Variants in EFR3B observed in about 807,000 individuals in gnomAD.
EFR3B encodes the protein protein EFR3 homolog B.
Under a neutral mutation model 104.7 loss-of-function variants are expected in EFR3B, and 64 were observed. That is an observed-to-expected ratio of 0.61 (90% confidence interval 0.50 to 0.75). EFR3B has a LOEUF of 0.75. Ranked by LOEUF, EFR3B falls within the 30% of genes least tolerant of loss-of-function variation. The pLI, the probability that EFR3B is intolerant of heterozygous loss-of-function variation, is 0.00. For synonymous variants in EFR3B, 385 were observed against 417.9 expected (o/e 0.92, Z 0.96); for missense variants, 750 against 1,078.5 (o/e 0.70, Z 4.27).
chr2:25,130,529 C>T lies in EFR3B; in HGVS notation c.771-23C>T, dbSNP rs1298186383. 1 of 1,541,856 alleles carries T rather than the reference C, an allele frequency of 6.5e-7. No individual in the cohort carries two copies. The highest frequency in any genetic ancestry group is 2.0e-5 in the Admixed American group (1 of 50,986). On this transcript the variant is annotated intron_variant, in intron 7 of 22. Transcript: ENST00000403714. The surrounding 1 kb of genome is among the most constrained non-coding windows in gnomAD (Gnocchi z 4.6). ...CACTGCCGGGAGTTTCATAGTTGTT[C>T]CCCCACGTTTTCTCCCTCACAGCCA...
At position 25,152,037 on chromosome 2, in the gene EFR3B, A is replaced by G. The variant is rs1405021510; in HGVS notation, c.2298+17A>G. On this transcript the variant is annotated intron_variant, in intron 21 of 22. Coordinates refer to ENST00000403714, the MANE Select transcript of EFR3B (RefSeq NM_014971.2). The stretch of plus-strand genomic sequence containing the variant: ...GGGGCCCGGGTAAGTGAAGCATGAC[A>G]TGGGCGAGTCCCTGGGAGCCAAGTC... 1.3e-6 allele frequency: 2 copies of G among 1,550,416 alleles called. No individual in the cohort carries two copies. Among genetic ancestry groups the G allele is most frequent in the Non-Finnish European group, 1.7e-6 (2 of 1,146,068 alleles).
At chr2:25,082,305 G>A (rs1292089193) in intron 1 of EFR3B, among the ~76,000 whole-genome samples, 2 of 152,212 alleles carry the variant, frequency 1.3e-5, no homozygotes, top group Non-Finnish European at 2.9e-5. Context: ...AAGGGGGTTG[G>A]GGGAGTGAGG....
At chr2:25,139,679 AAC>A (rs1670611042) in intron 16 of EFR3B, among the ~76,000 whole-genome samples, 1 of 152,244 alleles carries the variant, frequency 6.6e-6, no homozygotes. Context: ...ATATGAAATG[AAC>A]AGTTATGAAA....
chr2:25,153,049 C>T (rs1411025028), intron 21 of EFR3B, among the ~76,000 whole-genome samples: 1 of 152,032 alleles, frequency 6.6e-6, no homozygotes, highest in Non-Finnish European at 1.5e-5. Flanking sequence ...CTGCTCCTTG[C>T]AAGTTAGAAA....
intron 1 of EFR3B, among the ~76,000 whole-genome samples, chr2:25,084,221 A>T (rs138073913): frequency 6.0e-5 from 9 of 149,496 alleles, no homozygotes; most frequent in East Asian, 2.0e-4. Context: ...TTAATTAATT[A>T]TTTTTTTTTT....
chr2:25,128,960 CAAAAAAAAAAAAAAAAAAAAAA>C (rs1170505822), intron 6 of EFR3B, among the ~76,000 whole-genome samples: 11 of 26,654 alleles, frequency 4.1e-4, no homozygotes, highest in South Asian at 2.0e-3. Flanking sequence ...GACTCCGTCT[CAAAAAAAAAAAAAAAAAAAAAA>C]AAAAAAAAAA....
chr2:25,127,191 C>CAAAAAAA (rs57818903), intron 5 of EFR3B, among the ~76,000 whole-genome samples: 4 of 51,728 alleles, frequency 7.7e-5, no homozygotes, highest in Non-Finnish European at 6.9e-5. Flanking sequence ...GACTCCACCT[C>CAAAAAAA]AAAAAAAAAA....
Position 25,042,617 on chromosome 2 carries a change from G to A in EFR3B, c.7+298G>A, listed in dbSNP as rs1667603768. Reference sequence around the variant, plus strand: ...TCTCCCGGAGCCGAGCAGACCGGGAGTGCTGGAGGAGGTGGTCGTGTGGCA... The same window carrying A: ...TCTCCCGGAGCCGAGCAGACCGGGAATGCTGGAGGAGGTGGTCGTGTGGCA... On this transcript the variant is annotated intron_variant, in intron 1 of 22. Coordinates refer to ENST00000403714, the MANE Select transcript of EFR3B (RefSeq NM_014971.2). This position sits in a 1 kb window ranked among gnomAD's most constrained non-coding sequence, Gnocchi z 5.4. The A allele has an allele frequency of 1.7e-6, 2 of 1,173,362 alleles. No individual in the cohort carries two copies. The highest frequency in any genetic ancestry group is 2.1e-6 in the Non-Finnish European group (2 of 950,962). 72.7% of individuals were successfully genotyped at this position (1,173,362 alleles called of 1,614,324 possible).
rs562259233 is a variant in EFR3B at position 25,157,773 on chromosome 2, C to G, written c.*3433C>G. ...GTTTTCCTTGCCATGGAGTCCCCAG[C>G]GCCTTGTGCCTGTTTCCATTTCCCT... On this transcript the variant is annotated 3_prime_UTR_variant, in exon 23 of 23. Transcript: ENST00000403714. 2 of 152,260 alleles carry G rather than the reference C, an allele frequency of 1.3e-5. No individual in the cohort carries two copies. Among genetic ancestry groups the G allele is most frequent in the African/African-American group, 4.8e-5 (2 of 41,438 alleles). 9.4% of individuals were successfully genotyped at this position (152,260 alleles called of 1,614,324 possible).
At chr2:25,074,970 G>T (rs1425477155) in intron 1 of EFR3B, among the ~76,000 whole-genome samples, 1 of 152,158 alleles carries the variant, frequency 6.6e-6, no homozygotes, top group Admixed American at 6.5e-5. Context: ...TTCATGGGCA[G>T]TTGCAAAGAA....
chr2:25,083,817 G>T (rs916404148), intron 1 of EFR3B, among the ~76,000 whole-genome samples: 13 of 152,192 alleles, frequency 8.5e-5, no homozygotes, highest in African/African-American at 3.1e-4. Context: ...GTGGTTTGCA[G>T]ACTCAAAGTG....
chr2:25,097,921 C>T (rs1447510124), intron 3 of EFR3B, among the ~76,000 whole-genome samples: 1 of 152,136 alleles, frequency 6.6e-6, no homozygotes, highest in African/African-American at 2.4e-5. Flanking sequence ...CTGGAGCTCT[C>T]ACCCAGCCAG....
intron 5 of EFR3B, among the ~76,000 whole-genome samples, chr2:25,127,685 G>C (rs905093632): frequency 6.6e-6 from 1 of 152,186 alleles, no homozygotes; most frequent in African/African-American, 2.4e-5. Flanking sequence ...GGCTCCTGCT[G>C]TGCTGTTACT....
chr2:25,072,355 A>G (rs1254355033), intron 1 of EFR3B, among the ~76,000 whole-genome samples: 1 of 151,466 alleles, frequency 6.6e-6, no homozygotes, highest in Non-Finnish European at 1.5e-5. Context: ...ATCTCGGCTC[A>G]CTGCAACCTC....
At position 25,131,351 on chromosome 2, in the gene EFR3B, T is replaced by C. The variant is rs1216026832; in HGVS notation, c.850-17T>C. 6.5e-7 allele frequency: 1 copy of C among 1,549,042 alleles called. No individual in the cohort carries two copies. Among genetic ancestry groups the C allele is most frequent in the Non-Finnish European group, 8.7e-7 (1 of 1,145,780 alleles). On this transcript the variant is annotated splice_polypyrimidine_tract_variant and intron_variant, in intron 8 of 22. Coordinates refer to ENST00000403714, the MANE Select transcript of EFR3B (RefSeq NM_014971.2). This position sits in a 1 kb window ranked among gnomAD's most constrained non-coding sequence, Gnocchi z 7.6. ...CGTGGGGTTGCTGTCCAGGCCCAGC[T>C]CATCTTCCTCCCGCAGCCGCAGCAC...
chr2:25,076,853 G>C (rs998329322), intron 1 of EFR3B, among the ~76,000 whole-genome samples: 2 of 152,150 alleles, frequency 1.3e-5, no homozygotes, highest in Non-Finnish European at 2.9e-5. Context: ...AAAAGGTCAG[G>C]CCACTGACAG....
rs1410739256 is a variant in EFR3B, at chr2:25,135,477, G to C, written c.1322G>C (p.Gly441Ala). Reference protein sequence around the residue: ...LLKSLLQVSTGFQCNNMMSAL... With the variant: ...LLKSLLQVSTAFQCNNMMSAL... The stretch of plus-strand genomic sequence containing the variant: ...ATACCTCCCTTGCAGGTATCCACAG[G>C]TTTCCAGTGCAACAACATGATGTCA... Residue 441 changes from glycine (G) to alanine (A), a missense_variant, in exon 13 of 23, where the codon GGT becomes GCT. Transcript: ENST00000403714. The C allele has an allele frequency of 6.4e-7, 1 of 1,551,690 alleles. No homozygotes were observed. The highest frequency in any genetic ancestry group is 2.0e-5 in the Admixed American group (1 of 50,998).
chr2:25,124,821 C>T (rs1480956516), intron 5 of EFR3B, among the ~76,000 whole-genome samples: 2 of 149,616 alleles, frequency 1.3e-5, no homozygotes, highest in Non-Finnish European at 1.5e-5. Flanking sequence ...CTTTGGGAGG[C>T]TGAGGCAGGC....
At chr2:25,096,161 A>G (rs1669271301) in intron 3 of EFR3B, among the ~76,000 whole-genome samples, 3 of 152,216 alleles carry the variant, frequency 2.0e-5, no homozygotes, top group Middle Eastern at 3.4e-3. Context: ...GACTACAGGC[A>G]CGTGCCACCA....
Sources: allele counts gnomAD v4.1 joint callset (sites outside exome capture counted in the v4.1 genomes callset), GRCh38; gene constraint gnomAD v4.1.1; non-coding constraint Gnocchi (gnomAD v3.1); transcripts MANE v1.5; gene names NCBI Gene and HGNC (gene_info 2026-07-23, HGNC 2026-07-21).